PKP2: variants seen among roughly 807,000 people sequenced by gnomAD.
PKP2 encodes plakophilin-2.
Under a neutral mutation model 83.4 loss-of-function variants are expected in PKP2, and 73 were observed. That is an observed-to-expected ratio of 0.88 (90% CI 0.72 to 1.06). The LOEUF (loss-of-function observed/expected upper bound fraction) is 1.06. PKP2 is among the 50% of genes least tolerant of loss of function. The pLI is 0.00. For missense variants in PKP2, 966 were observed against 1,065.4 expected (o/e 0.91, Z 1.30); for synonymous variants, 409 against 430.4 (o/e 0.95, Z 0.62).
chr12:32,811,075 G>A (rs1956273175), intron 9 of PKP2, among the ~76,000 whole-genome samples: 1 of 152,182 alleles, frequency 6.6e-6, no homozygotes, highest in Admixed American at 6.5e-5. Flanking sequence ...ATCCAATTGA[G>A]TCTCCCTGCA....
intron 1 of PKP2, among the ~76,000 whole-genome samples, chr12:32,888,613 C>G (rs1277355550): frequency 1.3e-5 from 2 of 151,684 alleles, no homozygotes; most frequent in Admixed American, 1.3e-4. Flanking sequence ...CCTCAGCCTC[C>G]CAAGTAGCTG....
intron 10 of PKP2, among the ~76,000 whole-genome samples, chr12:32,797,843 A>G (rs1956143014): frequency 6.6e-6 from 1 of 151,828 alleles, no homozygotes; most frequent in Non-Finnish European, 1.5e-5. Flanking sequence ...AGCGTGAGCT[A>G]CCGCGCCTGG....
At chr12:32,886,870 G>A (rs527719996) in intron 1 of PKP2, among the ~76,000 whole-genome samples, 1 of 151,908 alleles carries the variant, frequency 6.6e-6, no homozygotes, top group African/African-American at 2.4e-5. Context: ...ATGGTGGCAT[G>A]GGCCTGTAGT....
At chr12:32,852,007 CT>C (rs1346095114) in intron 4 of PKP2, among the ~76,000 whole-genome samples, 1 of 152,180 alleles carries the variant, frequency 6.6e-6, no homozygotes, top group African/African-American at 2.4e-5. Context: ...GGGAGATTTT[CT>C]GTTTTAGTCG....
intron 1 of PKP2, among the ~76,000 whole-genome samples, chr12:32,883,017 GT>G (rs1157211895): frequency 6.6e-6 from 1 of 152,156 alleles, no homozygotes; most frequent in African/African-American, 2.4e-5. Context: ...CAAATACTCT[GT>G]AAATATTAAT....
intron 6 of PKP2, among the ~76,000 whole-genome samples, chr12:32,836,780 T>A (rs533610628): frequency 6.6e-6 from 1 of 152,268 alleles, no homozygotes; most frequent in African/African-American, 2.4e-5. Context: ...CTAGAACGAG[T>A]CAACATCTGT....
chr12:32,827,928 A>C (rs568878629), intron 6 of PKP2, among the ~76,000 whole-genome samples: 1 of 152,236 alleles, frequency 6.6e-6, no homozygotes, highest in Non-Finnish European at 1.5e-5. Context: ...AAAACTGCAT[A>C]CTGTTATATA....
At chr12:32,824,512 T>C in intron 6 of PKP2, 1 of 281,918 alleles carries the variant, frequency 3.5e-6, no homozygotes, top group South Asian at 3.9e-5. Context: ...GACATTATAA[T>C]ATACTGGATG....
chr12:32,829,196 G>C (rs950098430), intron 6 of PKP2, among the ~76,000 whole-genome samples: 4 of 151,862 alleles, frequency 2.6e-5, no homozygotes, highest in African/African-American at 9.7e-5. Context: ...AAAGTGCTGG[G>C]ATTACAGGTG....
At chr12:32,799,308 A>C (rs1328272172) in intron 10 of PKP2, among the ~76,000 whole-genome samples, 1 of 152,212 alleles carries the variant, frequency 6.6e-6, no homozygotes, top group Non-Finnish European at 1.5e-5. Flanking sequence ...GGATATGGTG[A>C]AAAGGGAACA....
chr12:32,803,668 G>T (rs1347329946), intron 9 of PKP2, among the ~76,000 whole-genome samples: 4 of 151,956 alleles, frequency 2.6e-5, no homozygotes, highest in South Asian at 2.1e-4. Flanking sequence ...AAGTGTTTTG[G>T]TTTTTTTCAG....
chr12:32,796,170 CA>C lies in PKP2; in HGVS notation c.2295del (p.Asn765LysfsTer6). Reference protein sequence around the residue: ...LNNIIQNSYQNARDLLNTGGI... With the variant: ...LNNIIQNSYQXARDLLNTGGI... ...CCCCCGGTGTTTAGAAGGTCGCGTGCATTCTGGTAACTGTTTTGGATTATGT... is the reference window on the plus strand; with the variant it reads ...CCCCCGGTGTTTAGAAGGTCGCGTGCTTCTGGTAACTGTTTTGGATTATGT... On this transcript the variant is annotated frameshift_variant, in exon 11 of 13. Transcript: ENST00000340811. LOFTEE classifies it high-confidence loss of function. The C allele has an allele frequency of 6.2e-7, 1 of 1,614,036 alleles. No homozygotes were observed. The highest frequency in any genetic ancestry group is 1.1e-5 in the South Asian group (1 of 91,068).
At chr12:32,867,160 T>C (rs1246711257) in intron 4 of PKP2, among the ~76,000 whole-genome samples, 1 of 152,102 alleles carries the variant, frequency 6.6e-6, no homozygotes, top group Non-Finnish European at 1.5e-5. Flanking sequence ...GACCCCCATC[T>C]CTACAAAAAA....
At position 32,858,411 on chromosome 12, in the gene PKP2, A is replaced by G. The variant is rs573558897; in HGVS notation, c.1171-7438T>C. Among the ~76,000 whole-genome samples, 6 of 152,076 alleles carry G rather than the reference A, an allele frequency of 3.9e-5. No homozygotes were observed. In the South Asian group the frequency reaches 1.2e-3, roughly 31 times the overall value. On this transcript the variant is annotated intron_variant, in intron 4 of 12. Transcript: ENST00000340811. The stretch of plus-strand genomic sequence containing the variant: ...ATATTCAGCCCCATTCCCTTCACCT[A>G]TATGTATAAAGAATGTTCATCACTA...
intron 4 of PKP2, among the ~76,000 whole-genome samples, chr12:32,853,878 A>C (rs1196628903): frequency 1.3e-5 from 2 of 152,176 alleles, no homozygotes; most frequent in East Asian, 3.8e-4. Context: ...GCACTGTGGG[A>C]TATATACCCG....
rs1276901209 is a variant in PKP2 at position 32,853,002 on chromosome 12, T to C, written c.1171-2029A>G. ...GGGAGGCTGAGGCAGGAGATTTGCT[T>C]GAACCCAGGAGGTGGAGCTTGCAGT... On this transcript the variant is annotated intron_variant, in intron 4 of 12. Transcript: ENST00000340811. Among the ~76,000 whole-genome samples the C allele has an allele frequency of 1.2e-4, 19 of 152,116 alleles. No homozygotes were observed. The East Asian group carries it at 3.5e-3, about 28-fold the overall frequency.
intron 1 of PKP2, among the ~76,000 whole-genome samples, chr12:32,888,250 G>A (rs903682615): frequency 6.6e-6 from 1 of 152,148 alleles, no homozygotes; most frequent in African/African-American, 2.4e-5. Flanking sequence ...TATTTGCTGA[G>A]ATATCTCATG....
rs930567573 is a variant in PKP2, at chr12:32,807,460, A to G, written c.2014-4904T>C. Among the ~76,000 whole-genome samples, 3 of 152,188 alleles carry G rather than the reference A, an allele frequency of 2.0e-5. No individual in the cohort carries two copies. In the East Asian group the frequency reaches 5.8e-4, roughly 29 times the overall value. On this transcript the variant is annotated intron_variant, in intron 9 of 12. Coordinates refer to ENST00000340811, the MANE Select transcript of PKP2 (RefSeq NM_001005242.3). ...TGGGTCTCTTGAAGACAGCACACCA[A>G]TGGGGGTTGGCTCTTTATCCAGTTT...
intron 5 of PKP2, among the ~76,000 whole-genome samples, chr12:32,843,628 G>C (rs1956620771): frequency 6.6e-6 from 1 of 152,172 alleles, no homozygotes; most frequent in Admixed American, 6.5e-5. Context: ...ACTGTGTCTG[G>C]TGTCTTGTGA....
Sources: allele counts gnomAD v4.1 joint callset (sites outside exome capture counted in the v4.1 genomes callset), GRCh38; gene constraint gnomAD v4.1.1; transcripts MANE v1.5; gene names NCBI Gene and HGNC (gene_info 2026-07-23, HGNC 2026-07-21).